Variants in EYS observed in about 807,000 individuals in gnomAD.
EYS encodes protein eyes shut homolog.
EYS carries 250 observed loss-of-function variants against 282.1 expected under a neutral mutation model. The ratio of observed to expected loss-of-function variants is 0.89; its 90% CI spans 0.80 to 0.98. EYS has a LOEUF of 0.98. Ranked by LOEUF, EYS falls within the 50% of genes least tolerant of loss-of-function variation. The probability of loss-of-function intolerance (pLI) is 0.00; values close to 1 mark genes in which losing one functional copy is unlikely to be tolerated. For missense variants in EYS, 4,016 were observed against 3,709.0 expected (o/e 1.08, Z -2.15); for synonymous variants, 1,355 against 1,282.9 (o/e 1.06, Z -1.20).
In EYS at chr6:65,122,831, T is replaced by C. The variant is rs1212663111; in HGVS notation, c.2024-65104A>G. 2.0e-5 allele frequency among the ~76,000 whole-genome samples: 3 copies of C among 152,076 alleles called. No homozygotes were observed. In the East Asian group the frequency reaches 5.8e-4, roughly 29 times the overall value. ...GAAATAAAATGAAAATAATACCTTG[T>C]TTGAAAATTTAACAATGATTATGTG... On this transcript the variant is annotated intron_variant, in intron 12 of 42. Coordinates refer to ENST00000503581, the MANE Select transcript of EYS (RefSeq NM_001142800.2).
intron 22 of EYS, among the ~76,000 whole-genome samples, chr6:64,790,510 G>A (rs1421609922): frequency 6.6e-6 from 1 of 151,846 alleles, no homozygotes; most frequent in Non-Finnish European, 1.5e-5. Flanking sequence ...AACTTTTTAT[G>A]ACTATTTTTA....
At chr6:64,977,204 A>AT (rs1169799674) in intron 14 of EYS, among the ~76,000 whole-genome samples, 2 of 151,714 alleles carry the variant, frequency 1.3e-5, no homozygotes, top group Non-Finnish European at 2.9e-5. Flanking sequence ...TATCAGTGCC[A>AT]TTTTTTCTAA....
intron 12 of EYS, among the ~76,000 whole-genome samples, chr6:65,117,946 A>T (rs1775426224): frequency 6.6e-6 from 1 of 152,190 alleles, no homozygotes; most frequent in Non-Finnish European, 1.5e-5. Flanking sequence ...GAGGCAAAAC[A>T]ATGACATAAA....
chr6:65,574,496 A>G (rs1764590418), intron 2 of EYS, among the ~76,000 whole-genome samples: 1 of 152,192 alleles, frequency 6.6e-6, no homozygotes, highest in Non-Finnish European at 1.5e-5. Context: ...GTATCAGGTA[A>G]AATAAACTTT....
intron 30 of EYS, among the ~76,000 whole-genome samples, chr6:64,233,250 A>C (rs540022769): frequency 6.6e-6 from 1 of 152,220 alleles, no homozygotes; most frequent in South Asian, 2.1e-4. Context: ...TTTTTGAAAG[A>C]AACATTAATC....
At chr6:65,355,774 T>C (rs1451518318) in intron 8 of EYS, among the ~76,000 whole-genome samples, 1 of 152,004 alleles carries the variant, frequency 6.6e-6, no homozygotes, top group East Asian at 1.9e-4. Context: ...AAAACCATAA[T>C]GAGACATCAT....
At chr6:64,957,189 T>C (rs886849331) in intron 14 of EYS, among the ~76,000 whole-genome samples, 1 of 151,988 alleles carries the variant, frequency 6.6e-6, no homozygotes, top group Admixed American at 6.6e-5. Context: ...CATCAAAAGA[T>C]AAATGGATTA....
chr6:64,804,749 A>G (rs1219413351), intron 22 of EYS, among the ~76,000 whole-genome samples: 1 of 152,148 alleles, frequency 6.6e-6, no homozygotes, highest in Non-Finnish European at 1.5e-5. Flanking sequence ...ATTTGAATAT[A>G]TCTGTGTATT....
At chr6:64,292,260 G>A (rs1430168122) in intron 30 of EYS, among the ~76,000 whole-genome samples, 1 of 152,078 alleles carries the variant, frequency 6.6e-6, no homozygotes, top group Non-Finnish European at 1.5e-5. Flanking sequence ...TATTAACCAT[G>A]TGTTGTAATT....
intron 12 of EYS, among the ~76,000 whole-genome samples, chr6:65,260,781 C>CA (rs1368605585): frequency 6.6e-6 from 1 of 151,260 alleles, no homozygotes; most frequent in African/African-American, 2.4e-5. Flanking sequence ...TAAAAAAGCA[C>CA]AAAAAAACAC....
chr6:64,144,213 CA>C (rs1379590741), intron 31 of EYS, among the ~76,000 whole-genome samples: 1 of 152,114 alleles, frequency 6.6e-6, no homozygotes, highest in African/African-American at 2.4e-5. Context: ...TATGCCACAG[CA>C]AGCCAGAAAG....
chr6:63,832,325 CTAAT>C (rs1771665016), intron 36 of EYS, among the ~76,000 whole-genome samples: 1 of 151,820 alleles, frequency 6.6e-6, no homozygotes, highest in African/African-American at 2.4e-5. Context: ...GCTAGCAAGA[CTAAT>C]AAAGAAGAAA....
intron 12 of EYS, among the ~76,000 whole-genome samples, chr6:65,098,286 C>T (rs1483972014): frequency 6.6e-6 from 1 of 150,582 alleles, no homozygotes; most frequent in Admixed American, 6.7e-5. Flanking sequence ...AAAGGGTTAG[C>T]GCACAGATAT....
chr6:65,140,100 CT>C (rs1764290460), intron 12 of EYS, among the ~76,000 whole-genome samples: 1 of 151,740 alleles, frequency 6.6e-6, no homozygotes, highest in African/African-American at 2.4e-5. Flanking sequence ...AATTTTCAAG[CT>C]GTCATTATAA....
chr6:65,322,807 A>T (rs182352304), intron 11 of EYS, among the ~76,000 whole-genome samples: 1 of 138,400 alleles, frequency 7.2e-6, no homozygotes, highest in African/African-American at 2.5e-5. Flanking sequence ...AAAAAAAAAA[A>T]AAAAAAGAAA....
intron 42 of EYS, among the ~76,000 whole-genome samples, chr6:63,724,494 G>C (rs1384577266): frequency 6.6e-6 from 1 of 152,052 alleles, no homozygotes. Context: ...TTTTATACAC[G>C]TTGGGAGGAT....
intron 5 of EYS, among the ~76,000 whole-genome samples, chr6:65,434,683 G>T (rs1290365434): frequency 6.6e-6 from 1 of 152,034 alleles, no homozygotes; most frequent in Non-Finnish European, 1.5e-5. Context: ...TCATCTATGA[G>T]AGGCTGCATA....
At chr6:64,864,681 G>T (rs9453093) in intron 19 of EYS, among the ~76,000 whole-genome samples, 83,131 of 150,540 alleles carry the variant, frequency 0.55, 23,750 homozygotes, top group Non-Finnish European at 0.62. Flanking sequence ...ACTGTGTCTG[G>T]CCCAGAAGTG....
At chr6:64,287,847 G>T (rs1168653021) in intron 30 of EYS, among the ~76,000 whole-genome samples, 3 of 152,144 alleles carry the variant, frequency 2.0e-5, no homozygotes, top group Non-Finnish European at 4.4e-5. Context: ...CTGATATGAA[G>T]TAACCCTATG....
Sources: allele counts gnomAD v4.1 joint callset (sites outside exome capture counted in the v4.1 genomes callset), GRCh38; gene constraint gnomAD v4.1.1; transcripts MANE v1.5; gene names NCBI Gene and HGNC (gene_info 2026-07-23, HGNC 2026-07-21).